Variants in NR3C1 observed in about 807,000 individuals in gnomAD.
The protein encoded by NR3C1 is nuclear receptor subfamily 3 group C member 1.
Under a neutral mutation model 74.0 loss-of-function variants are expected in NR3C1, and 14 were observed. That is an observed-to-expected ratio of 0.19 (90% CI 0.12 to 0.30). The LOEUF (loss-of-function observed/expected upper bound fraction) is 0.30, where lower values mean the gene tolerates loss of function less well. Among genes scored for constraint, NR3C1 ranks in the 10% least tolerant of loss-of-function variants. The pLI is 1.00. For synonymous variants in NR3C1, 308 were observed against 332.5 expected, an observed-to-expected ratio of 0.93 and a Z score of 0.80; for missense variants, 695 against 909.8, an observed-to-expected ratio of 0.76 and a Z score of 3.04.
chr5:143,301,232 T>C (rs916257323), intron 4 of NR3C1, among the ~76,000 whole-genome samples: 1 of 152,128 alleles, frequency 6.6e-6, no homozygotes, highest in African/African-American at 2.4e-5. Context: ...CATGGTAGTA[T>C]ATATAATGAA....
chr5:143,335,936 C>T (rs755328593), intron 2 of NR3C1, among the ~76,000 whole-genome samples: 20 of 152,322 alleles, frequency 1.3e-4, no homozygotes, highest in Non-Finnish European at 2.2e-4. Context: ...CTTACCTGCT[C>T]CAGGAAAAGT....
chr5:143,411,472 C>T (rs978521837), intron 1 of NR3C1, among the ~76,000 whole-genome samples: 5 of 152,154 alleles, frequency 3.3e-5, no homozygotes, highest in Non-Finnish European at 7.4e-5. Flanking sequence ...GTAAAAATAT[C>T]AACCAACATT....
chr5:143,285,425 TAAAC>T (rs1171779582), intron 7 of NR3C1, among the ~76,000 whole-genome samples: 1 of 152,140 alleles, frequency 6.6e-6, no homozygotes, highest in Non-Finnish European at 1.5e-5. Flanking sequence ...TCAATAAGAA[TAAAC>T]AAGACTTAAA....
chr5:143,408,358 T>C (rs530430696), upstream of NR3C1, among the ~76,000 whole-genome samples: 1 of 152,326 alleles, frequency 6.6e-6, no homozygotes, highest in South Asian at 2.1e-4. Context: ...TGTGAAGTGC[T>C]TAGACGAATT....
chr5:143,348,995 T>C (rs960302403), intron 2 of NR3C1, among the ~76,000 whole-genome samples: 34 of 152,142 alleles, frequency 2.2e-4, no homozygotes, highest in African/African-American at 8.0e-4. Context: ...AAATTCTTAA[T>C]TATTGTTGCA....
intron 4 of NR3C1, among the ~76,000 whole-genome samples, chr5:143,303,729 T>A (rs1054073545): frequency 6.6e-6 from 1 of 152,084 alleles, no homozygotes; most frequent in Admixed American, 6.6e-5. Flanking sequence ...AAAAAGTTAA[T>A]TCACCACAAT....
chr5:143,314,679 A>G (rs985529728), intron 2 of NR3C1, among the ~76,000 whole-genome samples: 2 of 152,150 alleles, frequency 1.3e-5, no homozygotes, highest in African/African-American at 4.8e-5. Flanking sequence ...TTAAAATTCA[A>G]TCAAGTGTCA....
rs570245475 is a variant in NR3C1, at chr5:143,390,083, T to C, written c.1184+9573A>G. 1.7e-5 allele frequency: 3 copies of C among 179,082 alleles called. No individual in the cohort carries two copies. In the East Asian group the frequency reaches 5.6e-4, roughly 34 times the overall value. 11.1% of individuals were successfully genotyped at this position (179,082 alleles called of 1,614,324 possible). ...GAATAGTTACAAAATGAATATCCTA[T>C]TTTTGACACCACTACACATGTCTTC... is the stretch of plus-strand genomic sequence containing the variant. On this transcript the variant is annotated intron_variant, in intron 2 of 8. Transcript: ENST00000394464.
At chr5:143,418,223 T>C (rs187377996) in intron 1 of NR3C1, among the ~76,000 whole-genome samples, 2 of 152,316 alleles carry the variant, frequency 1.3e-5, no homozygotes, top group Non-Finnish European at 2.9e-5. Context: ...TGTTAACTCA[T>C]AAAGCCATTT....
At position 143,403,490 on chromosome 5, in the gene NR3C1, G is replaced by C. The variant is rs1339156495; in HGVS notation, c.-293C>G. ...GCCCCGTCCCGGTCCCAGCTGCTTC[G>C]GCCGCTCCGGCTGCGGCGTCTCCTT... On this transcript the variant is annotated 5_prime_UTR_variant, in exon 1 of 9. Transcript: ENST00000394464. 1 of 985,158 alleles carries C rather than the reference G, an allele frequency of 1.0e-6. No individual in the cohort carries two copies. The highest frequency in any genetic ancestry group is 1.2e-6 in the Non-Finnish European group (1 of 829,924). The allele number at this position is 985,158 out of a possible 1,614,324, so 61.0% of individuals were successfully genotyped here.
upstream of NR3C1, chr5:143,404,171 G>A (rs1840878732): frequency 4.1e-6 from 4 of 985,512 alleles, no homozygotes; most frequent in Non-Finnish European, 4.8e-6. Context: ...GAGCCGGGGC[G>A]CCTCCCGCGG....
At chr5:143,299,688 A>G (rs1818096159) in intron 5 of NR3C1, among the ~76,000 whole-genome samples, 1 of 152,228 alleles carries the variant, frequency 6.6e-6, no homozygotes, top group African/African-American at 2.4e-5. Flanking sequence ...CTTTTATTAA[A>G]TTATTACATG....
At chr5:143,320,378 A>G (rs1382761943) in intron 2 of NR3C1, among the ~76,000 whole-genome samples, 1 of 152,204 alleles carries the variant, frequency 6.6e-6, no homozygotes, top group Non-Finnish European at 1.5e-5. Context: ...TAGTTCATCC[A>G]AACTCTGCAT....
At chr5:143,299,175 G>A (rs770817095) in intron 5 of NR3C1, among the ~76,000 whole-genome samples, 4 of 151,562 alleles carry the variant, frequency 2.6e-5, no homozygotes, top group Non-Finnish European at 5.9e-5. Flanking sequence ...CACCATGCCC[G>A]GCTAATTTTT....
intron 1 of NR3C1, among the ~76,000 whole-genome samples, chr5:143,424,672 T>C (rs887843701): frequency 7.9e-5 from 12 of 152,112 alleles, no homozygotes; most frequent in Non-Finnish European, 1.5e-4. Context: ...TAAAGATATG[T>C]ATGTGTACAA....
chr5:143,407,605 T>C (rs1043375146), upstream of NR3C1, among the ~76,000 whole-genome samples: 1 of 152,202 alleles, frequency 6.6e-6, no homozygotes, highest in African/African-American at 2.4e-5. Flanking sequence ...TGGGTGTTGG[T>C]TAAATGAATG....
upstream of NR3C1, chr5:143,404,119 G>C (rs1840870325): frequency 5.1e-6 from 5 of 985,390 alleles, no homozygotes; most frequent in Non-Finnish European, 6.0e-6. Context: ...TTGGCGGCAA[G>C]CGCCGCCAGT....
At chr5:143,431,875 C>T (rs999316288) in intron 1 of NR3C1, among the ~76,000 whole-genome samples, 3 of 152,220 alleles carry the variant, frequency 2.0e-5, no homozygotes, top group Admixed American at 1.3e-4. Context: ...CAGTGGGGCC[C>T]CTGGATGAGT....
intron 1 of NR3C1, among the ~76,000 whole-genome samples, chr5:143,427,683 C>T (rs1051618663): frequency 5.3e-5 from 8 of 152,142 alleles, no homozygotes; most frequent in African/African-American, 1.9e-4. Context: ...CTTCTTTTCC[C>T]CCATGGATTC....
Sources: gnomAD v4.1 joint callset for allele counts (sites outside exome capture counted in the v4.1 genomes callset) on GRCh38, gnomAD v4.1.1 for gene constraint, MANE v1.5 for transcripts, NCBI Gene and HGNC (gene_info 2026-07-23, HGNC 2026-07-21) for gene names.